ZNF208: variants seen among roughly 807,000 people sequenced by gnomAD.
ZNF208 encodes zinc finger protein 95.
In ZNF208, 10 loss-of-function variants were observed where a neutral mutation model predicts 12.1. That is an observed-to-expected ratio of 0.83 (90% CI 0.51 to 1.40). The LOEUF (loss-of-function observed/expected upper bound fraction) is 1.40. Among genes scored for constraint, ZNF208 ranks in the 40% most tolerant of loss-of-function variants. ZNF208 has a pLI of 0.00. For missense variants in ZNF208, 1,652 were observed against 1,485.0 expected (o/e 1.11, Z -1.85); for synonymous variants, 497 against 488.4 (o/e 1.02, Z -0.23).
chr19:21,995,640 G>C (rs73930362), intron 1 of ZNF208, among the ~76,000 whole-genome samples: 1 of 152,122 alleles, frequency 6.6e-6, no homozygotes, highest in East Asian at 1.9e-4. Context: ...TCCAGAATCC[G>C]GGTTGTCCGT....
chr19:21,988,840 G>A lies in ZNF208; in HGVS notation c.73C>T (p.Gln25Ter). The change falls in exon 2 of 4, where the codon CAG (glutamine) becomes TAG (stop). Residue 25 changes from glutamine to a stop codon, truncating the protein, a stop_gained. Coordinates refer to ENST00000397126, the MANE Select transcript of ZNF208 (RefSeq NM_007153.3). LOFTEE classifies it high-confidence loss of function. ...LEEWQCLDTA[Q>*]QNLYRNVMLE... is the part of the protein sequence containing the mutation. The stretch of plus-strand genomic sequence containing the variant: ...ATCACATTTCTATATAAATTCTGCT[G>A]TGCAGTGTCCAGGCATTGCCACTCC... 1 of 1,614,120 alleles carries A rather than the reference G, an allele frequency of 6.2e-7. No homozygotes were observed.
At chr19:21,948,837 A>G (rs1969852018) in intron 4 of ZNF208, among the ~76,000 whole-genome samples, 1 of 152,186 alleles carries the variant, frequency 6.6e-6, no homozygotes, top group African/African-American at 2.4e-5. Context: ...CCAGTCAGAA[A>G]AGAAACTCAG....
At chr19:22,007,978 T>C (rs1475215057) in intron 1 of ZNF208, among the ~76,000 whole-genome samples, 1 of 126,904 alleles carries the variant, frequency 7.9e-6, no homozygotes, top group African/African-American at 3.2e-5. Context: ...CAGTCCAGCC[T>C]GGGTGACAGA....
At chr19:22,010,111 G>A (rs1367918155) in intron 1 of ZNF208, among the ~76,000 whole-genome samples, 1 of 151,988 alleles carries the variant, frequency 6.6e-6, no homozygotes. Flanking sequence ...CGTCAACCCG[G>A]GAGGCGGAGC....
intron 4 of ZNF208, among the ~76,000 whole-genome samples, chr19:21,950,184 C>T (rs1357105669): frequency 6.6e-6 from 1 of 152,046 alleles, no homozygotes; most frequent in South Asian, 2.1e-4. Flanking sequence ...ATTCAGAAAG[C>T]CTTTCTATTT....
chr19:21,956,008 G>C (rs1388678983), intron 4 of ZNF208, among the ~76,000 whole-genome samples: 1 of 152,110 alleles, frequency 6.6e-6, no homozygotes, highest in African/African-American at 2.4e-5. Context: ...TGTACAGATG[G>C]GGTTTTGGTG....
intron 4 of ZNF208, chr19:21,941,549 TTTAAAC>T (rs1969741532): frequency 2.5e-6 from 1 of 395,940 alleles, no homozygotes; most frequent in Non-Finnish European, 4.4e-6. Context: ...TTTGTTTTTT[TTTAAAC>T]TAAAGTGTCA....
chr19:21,980,246 C>T (rs1234192690), intron 3 of ZNF208, among the ~76,000 whole-genome samples: 1 of 152,082 alleles, frequency 6.6e-6, no homozygotes, highest in African/African-American at 2.4e-5. Flanking sequence ...ATCTACAGGA[C>T]TCTGCCACAA....
At chr19:21,951,681 C>T (rs1969890603) in intron 4 of ZNF208, among the ~76,000 whole-genome samples, 1 of 152,184 alleles carries the variant, frequency 6.6e-6, no homozygotes, top group Admixed American at 6.6e-5. Context: ...GAGATCCATT[C>T]CAAGATGGCC....
At chr19:21,955,172 T>TG in intron 4 of ZNF208, among the ~76,000 whole-genome samples, 1 of 152,244 alleles carries the variant, frequency 6.6e-6, no homozygotes, top group Non-Finnish European at 1.5e-5. Context: ...CATTCTCTTC[T>TG]GGCTTGTAGT....
intron 4 of ZNF208, among the ~76,000 whole-genome samples, chr19:21,954,650 T>C (rs1969943863): frequency 6.6e-6 from 1 of 152,230 alleles, no homozygotes; most frequent in South Asian, 2.1e-4. Flanking sequence ...GAGACTAGGA[T>C]TGCAACCCCT....
At chr19:22,008,327 A>AC (rs907793944) in intron 1 of ZNF208, among the ~76,000 whole-genome samples, 6 of 151,792 alleles carry the variant, frequency 4.0e-5, no homozygotes, top group Admixed American at 6.6e-5. Flanking sequence ...GAAAAAAAAA[A>AC]CTGAGGTCAA....
chr19:21,964,158 G>T (rs559246364), downstream of ZNF208, among the ~76,000 whole-genome samples: 22 of 151,944 alleles, frequency 1.4e-4, no homozygotes, highest in African/African-American at 4.8e-4. Flanking sequence ...TTTTATAAGA[G>T]AGAGTGAAGT....
chr19:21,955,656 TG>T (rs1476462433), intron 4 of ZNF208, among the ~76,000 whole-genome samples: 1 of 151,130 alleles, frequency 6.6e-6, no homozygotes, highest in Non-Finnish European at 1.5e-5. Flanking sequence ...ATGTAGTTCT[TG>T]TGCCAAGGTT....
rs1210038023 is a variant in ZNF208 at position 21,966,379 on chromosome 19, A to T, written c.*4812T>A. The stretch of plus-strand genomic sequence containing the variant: ...GTGGCATTTGTTTTTCTGATGCAAT[A>T]ATTTGCTTAGAATGGCCTGAAGCAG... On this transcript the variant is annotated 3_prime_UTR_variant, in exon 4 of 4. Transcript: ENST00000397126. 1 of 152,066 alleles carries T rather than the reference A, an allele frequency of 6.6e-6. No homozygotes were observed. Among genetic ancestry groups the T allele is most frequent in the Non-Finnish European group, 1.5e-5 (1 of 67,988 alleles). 9.4% of individuals were successfully genotyped at this position (152,066 alleles called of 1,614,324 possible). A position where few individuals can be genotyped will look rare whatever the true frequency, so the allele number is the denominator to read the frequency against.
At chr19:21,953,519 A>G (rs955230863) in intron 4 of ZNF208, among the ~76,000 whole-genome samples, 5 of 152,230 alleles carry the variant, frequency 3.3e-5, no homozygotes, top group Non-Finnish European at 7.3e-5. Context: ...ACATTCTGAA[A>G]GGAAAGAATG....
chr19:21,962,276 C>CATT (rs1268732069), downstream of ZNF208, among the ~76,000 whole-genome samples: 1 of 152,006 alleles, frequency 6.6e-6, no homozygotes, highest in Non-Finnish European at 1.5e-5. Flanking sequence ...TTTTGTGACA[C>CATT]ATAATAAGTG....
intron 3 of ZNF208, among the ~76,000 whole-genome samples, chr19:21,985,522 GGC>G (rs1970617399): frequency 6.6e-6 from 1 of 152,174 alleles, no homozygotes; most frequent in Admixed American, 6.5e-5. Context: ...TCATTCAAGT[GGC>G]AAACTACAGG....
chr19:21,983,683 T>A (rs959173025), intron 3 of ZNF208, among the ~76,000 whole-genome samples: 48 of 151,576 alleles, frequency 3.2e-4, no homozygotes, highest in African/African-American at 9.5e-4. Flanking sequence ...TAAAAAAAAA[T>A]GAGTTCATGT....
Sources: allele counts gnomAD v4.1 joint callset (sites outside exome capture counted in the v4.1 genomes callset), GRCh38; gene constraint gnomAD v4.1.1; transcripts MANE v1.5; gene names NCBI Gene and HGNC (gene_info 2026-07-23, HGNC 2026-07-21).